The following PSME4 variants were observed in gnomAD, a reference collection of about 807,000 sequenced individuals.
PSME4 encodes the protein proteasome activator subunit 4, also known as proteasome activator complex subunit 4.
A neutral mutation model predicts 253.9 loss-of-function variants in PSME4; 89 were observed. That is an observed-to-expected ratio of 0.35 (90% CI 0.30 to 0.42). The LOEUF (loss-of-function observed/expected upper bound fraction) is 0.42. PSME4 is among the 10% of genes least tolerant of loss of function. PSME4 has a pLI of 1.00. For synonymous variants in PSME4, 851 were observed against 759.2 expected (o/e 1.12, Z -1.99); for missense variants, 2,014 against 2,195.2 (o/e 0.92, Z 1.65).
chr2:53,938,835 G>A (rs1253464522), intron 4 of PSME4, among the ~76,000 whole-genome samples: 1 of 152,084 alleles, frequency 6.6e-6, no homozygotes, highest in Non-Finnish European at 1.5e-5. Flanking sequence ...GCGTTTATGT[G>A]TCAGGTCCTT....
rs967350598 is a variant in PSME4, at chr2:53,897,175, T to G, written c.3607-290A>C. Among the ~76,000 whole-genome samples, 4 of 150,032 alleles carry G rather than the reference T, an allele frequency of 2.7e-5. No homozygotes were observed. The South Asian group carries it at 6.3e-4, about 24-fold the overall frequency. ...CAAATCTTAGCCTCAGGGTTTTTTTTTTTTTTTTTTTTGACAGAGTTTTCA... is the reference window on the plus strand; with the variant it reads ...CAAATCTTAGCCTCAGGGTTTTTTTGTTTTTTTTTTTTGACAGAGTTTTCA... On this transcript the variant is annotated intron_variant, in intron 31 of 46. Coordinates refer to ENST00000404125, the MANE Select transcript of PSME4 (RefSeq NM_014614.3).
chr2:53,948,616 C>T, intron 2 of PSME4, 79 bp from the exon 3 acceptor site: 1 of 902,400 alleles, frequency 1.1e-6, no homozygotes. Context: ...TACACAGGGA[C>T]AGTTAAACAT....
chr2:53,889,987 TAAA>T, intron 37 of PSME4, 114 bp downstream of exon 37: 2 of 822,410 alleles, frequency 2.4e-6, no homozygotes, highest in Non-Finnish European at 3.9e-6. Context: ...TAAAAACAAT[TAAA>T]AAACAAAACC....
intron 41 of PSME4, among the ~76,000 whole-genome samples, chr2:53,883,603 C>G (rs1679497563): frequency 6.6e-6 from 1 of 152,184 alleles, no homozygotes; most frequent in South Asian, 2.1e-4. Flanking sequence ...AAACTTTGGA[C>G]AGTTGAAAAT....
intron 41 of PSME4, among the ~76,000 whole-genome samples, chr2:53,881,292 C>T (rs1326397987): frequency 2.6e-5 from 4 of 152,172 alleles, no homozygotes; most frequent in Admixed American, 2.6e-4. Context: ...ACATTCTTCT[C>T]TAAGTTTTAC....
In PSME4 at chr2:53,932,754, G is replaced by A. The variant is rs199829106; in HGVS notation, c.964C>T (p.Pro322Ser). 6.1e-5 allele frequency: 98 copies of A among 1,611,684 alleles called. No individual in the cohort carries two copies. The East Asian group carries it at 2.0e-3, about 33-fold the overall frequency. The change falls in exon 9 of 47, where the codon CCA (proline) becomes TCA (serine). Residue 322 changes from proline to serine, a missense_variant. Pro to Ser is a moderately conservative substitution (Grantham distance 74). Coordinates refer to ENST00000404125, the MANE Select transcript of PSME4 (RefSeq NM_014614.3). ...VIWITAMMGGPSKLVQKHLAG... is the reference protein window; with the variant it reads ...VIWITAMMGGSSKLVQKHLAG... Reference sequence around the variant, plus strand: ...AAGTGTTTTTGCACTAGCTTACTTGGTCCACCCTGTCCAGATAAAAGAGTA... The same window carrying A: ...AAGTGTTTTTGCACTAGCTTACTTGATCCACCCTGTCCAGATAAAAGAGTA...
intron 26 of PSME4, 95 bp downstream of exon 26, chr2:53,906,503 G>A: frequency 1.4e-6 from 2 of 1,386,752 alleles, no homozygotes; most frequent in Non-Finnish European, 1.9e-6. Context: ...AATTATGGGT[G>A]AAATTATTTA....
intron 34 of PSME4, among the ~76,000 whole-genome samples, chr2:53,894,229 G>C (rs1024836181): frequency 6.6e-6 from 1 of 152,058 alleles, no homozygotes. Context: ...ATTAACTCAA[G>C]GACCAAGTAC....
At chr2:53,936,731 T>G (rs554753332) in intron 6 of PSME4, 33 bp downstream of exon 6, 59 of 1,398,430 alleles carry the variant, frequency 4.2e-5, no homozygotes, top group Non-Finnish European at 5.0e-5. Flanking sequence ...AAAAAAACTA[T>G]AGGGGGGAAG....
In PSME4 at chr2:53,970,691, T is replaced by C. The variant is rs1188758260; in HGVS notation, c.94A>G (p.Ile32Val). Residue 32 changes from isoleucine (I) to valine (V), a missense_variant, in exon 1 of 47, where the codon ATC becomes GTC. Physicochemically the swap from Ile to Val is conservative, Grantham distance 29 (BLOSUM62 3). Coordinates refer to ENST00000404125, the MANE Select transcript of PSME4 (RefSeq NM_014614.3). ...GPRGFVPQKE[I>V]VYNKLLPYAE... ...TAGGGCAGCAGCTTGTTGTAGACGATCTCCTTCTGCGGGACGAAGCCCCGC... is the reference window on the plus strand; with the variant it reads ...TAGGGCAGCAGCTTGTTGTAGACGACCTCCTTCTGCGGGACGAAGCCCCGC... 16 of 1,549,554 alleles carry C rather than the reference T, an allele frequency of 1.0e-5. No homozygotes were observed. The highest frequency in any genetic ancestry group is 1.4e-5 in the African/African-American group (1 of 72,984).
intron 20 of PSME4, among the ~76,000 whole-genome samples, chr2:53,910,948 T>C (rs1363949481): frequency 2.0e-5 from 3 of 151,856 alleles, no homozygotes; most frequent in Non-Finnish European, 4.4e-5. Context: ...ATATACAGAG[T>C]TAATAAACAG....
chr2:53,925,143 A>G (rs1298060221), intron 14 of PSME4, among the ~76,000 whole-genome samples: 8 of 152,202 alleles, frequency 5.3e-5, no homozygotes, highest in African/African-American at 1.4e-4. Flanking sequence ...ACATTTTTAA[A>G]CAGCAGAATC....
chr2:53,920,732 A>C (rs1668276627), intron 18 of PSME4, among the ~76,000 whole-genome samples, 157 bp downstream of exon 18: 1 of 152,262 alleles, frequency 6.6e-6, no homozygotes, highest in Non-Finnish European at 1.5e-5. Context: ...AGTTCCATGC[A>C]AAGTGAGACA....
At chr2:53,920,488 A>G (rs1668262831) in intron 18 of PSME4, 138 bp from the exon 19 acceptor site, 1 of 877,778 alleles carries the variant, frequency 1.1e-6, no homozygotes, top group Non-Finnish European at 1.7e-6. Context: ...ATGATATACA[A>G]AAAAGTAGCA....
intron 38 of PSME4, chr2:53,888,336 A>G (rs989466703): frequency 3.4e-5 from 8 of 234,004 alleles, no homozygotes; most frequent in Non-Finnish European, 4.9e-5. Flanking sequence ...AACTTTCTAC[A>G]GCACCATATG....
intron 41 of PSME4, among the ~76,000 whole-genome samples, chr2:53,877,561 C>T (rs770911778): frequency 1.1e-4 from 17 of 152,134 alleles, no homozygotes; most frequent in Non-Finnish European, 2.2e-4. Flanking sequence ...GTTTATTCAG[C>T]GACATCAGGG....
chr2:53,909,797 A>C (rs1462200743), intron 21 of PSME4, among the ~76,000 whole-genome samples: 3 of 152,124 alleles, frequency 2.0e-5, no homozygotes, highest in Non-Finnish European at 2.9e-5. Flanking sequence ...CTCTGTCTCT[A>C]CTAAAAATAT....
chr2:53,870,692 A>G (rs1678833670), intron 43 of PSME4: 1 of 152,090 alleles, frequency 6.6e-6, no homozygotes, highest in Admixed American at 6.6e-5. Context: ...GTTTATTTTC[A>G]TAAATACTGA....
chr2:53,948,517 C>A lies in PSME4; in HGVS notation c.404G>T (p.Arg135Ile). The A allele has an allele frequency of 4.3e-6, 7 of 1,611,808 alleles. No individual in the cohort carries two copies. The highest frequency in any genetic ancestry group is 5.9e-6 in the Non-Finnish European group (7 of 1,178,158). ...NLLKKKELLS[R>I]ADLELPWRPL... ...TCTCCAGGGTAACTCCAAATCAGCTCTTGAAAGAAGTTCCTTTTTCCTAAA... is the reference window on the plus strand; with the variant it reads ...TCTCCAGGGTAACTCCAAATCAGCTATTGAAAGAAGTTCCTTTTTCCTAAA... Residue 135 changes from arginine (R) to isoleucine (I), a missense_variant, in exon 3 of 47, where the codon AGA becomes ATA. Around this residue, in one of 4 missense-constraint regions of PSME4, gnomAD observed 615 missense variants for 594.4 expected, o/e 1.03. Coordinates refer to ENST00000404125, the MANE Select transcript of PSME4 (RefSeq NM_014614.3).
Sources: gnomAD v4.1 joint callset for allele counts (sites outside exome capture counted in the v4.1 genomes callset) on GRCh38, gnomAD v4.1.1 for gene constraint, gnomAD v4.1.1 regional missense constraint, MANE v1.5 for transcripts, NCBI Gene and HGNC (gene_info 2026-07-23, HGNC 2026-07-21) for gene names.